Variants in ANO1 observed in about 807,000 individuals in gnomAD.
ANO1 encodes the protein anoctamin-1.
In ANO1, 59 loss-of-function variants were observed where a neutral mutation model predicts 124.0. The observed-to-expected ratio is 0.48, with a 90% CI of 0.39 to 0.59. ANO1 has a LOEUF of 0.59. ANO1 is among the 20% of genes least tolerant of loss of function. The pLI is 0.00. For missense variants in ANO1, 1,059 were observed against 1,328.0 expected, an observed-to-expected ratio of 0.80 and a Z score of 3.15; for synonymous variants, 529 against 532.0, an observed-to-expected ratio of 0.99 and a Z score of 0.08.
intron 1 of ANO1, among the ~76,000 whole-genome samples, chr11:70,039,739 G>C (rs183985533): frequency 7.9e-5 from 12 of 152,250 alleles, no homozygotes; most frequent in South Asian, 6.2e-4. Context: ...GAGCATGATC[G>C]CTGTCATTTC....
Position 70,041,589 on chromosome 11 carries a change from A to T in ANO1, c.59-36953A>T, listed in dbSNP as rs12271659. Among the ~76,000 whole-genome samples, 998 of 152,338 alleles carry T rather than the reference A, an allele frequency of 6.6e-3. 14 individuals are homozygous for T. The highest frequency in any genetic ancestry group is 0.022 in the African/African-American group (913 of 41,580). On this transcript the variant is annotated intron_variant, in intron 1 of 27. Coordinates refer to the ANO1 transcript ENST00000531349. ...AAAAGATGTGAGCTCAAATAACAAC[A>T]ACAGCAGCAACATAATAGCAGTAGG...
intron 2 of ANO1, among the ~76,000 whole-genome samples, chr11:70,100,806 G>A (rs2045237232): frequency 6.6e-6 from 1 of 152,244 alleles, no homozygotes; most frequent in South Asian, 2.1e-4. Flanking sequence ...CTGACATTGA[G>A]TGGATGTCAG....
At chr11:70,006,868 C>T (rs2120353729) in intron 1 of ANO1, among the ~76,000 whole-genome samples, 1 of 151,980 alleles carries the variant, frequency 6.6e-6, no homozygotes, top group Non-Finnish European at 1.5e-5. Context: ...AGGGGTTTCG[C>T]CACGTTGGCC....
chr11:70,176,917 C>A (rs1341328572), intron 22 of ANO1, among the ~76,000 whole-genome samples: 1 of 152,174 alleles, frequency 6.6e-6, no homozygotes, highest in Non-Finnish European at 1.5e-5. Flanking sequence ...TGGGCTGGGG[C>A]TGGGGTGCCG....
At position 70,134,372 on chromosome 11, in the gene ANO1, C is replaced by G. The variant is rs79085785; in HGVS notation, c.1258+2293C>G. Among the ~76,000 whole-genome samples the G allele has an allele frequency of 8.9e-4, 136 of 152,306 alleles. 1 individual carries two copies. The highest frequency in any genetic ancestry group is 3.1e-3 in the African/African-American group (130 of 41,568). ...TTCAGTGCCGCCTGCTGTGGTCAGC[C>G]CTGCTGCCCCGTGTACATTTCTATA... is the stretch of plus-strand genomic sequence containing the variant. On this transcript the variant is annotated intron_variant, in intron 11 of 25. Coordinates refer to ENST00000355303, the MANE Select transcript of ANO1 (RefSeq NM_018043.7).
In ANO1 at chr11:70,149,706, G is replaced by A. The variant is rs150217760; in HGVS notation, c.1259-4G>A. 2.6e-3 allele frequency: 4,231 copies of A among 1,611,900 alleles called. 17 individuals carry two copies. Among genetic ancestry groups the A allele is most frequent in the East Asian group, 3.3e-3 (146 of 44,818 alleles). ...AGAGACTCTGGTTTTGCCCCTGCCCGCAGCTGCCACCTTCATGGAGCACTG... is the reference window on the plus strand; with the variant it reads ...AGAGACTCTGGTTTTGCCCCTGCCCACAGCTGCCACCTTCATGGAGCACTG... On this transcript the variant is annotated splice_region_variant and splice_polypyrimidine_tract_variant and intron_variant, in intron 11 of 25. Coordinates refer to ENST00000355303, the MANE Select transcript of ANO1 (RefSeq NM_018043.7).
intron 11 of ANO1, among the ~76,000 whole-genome samples, chr11:70,141,925 C>T (rs1420466656): frequency 6.6e-6 from 1 of 151,996 alleles, no homozygotes; most frequent in Admixed American, 6.5e-5. Flanking sequence ...ACCCGCCCGC[C>T]GGGGTGTGGG....
intron 11 of ANO1, among the ~76,000 whole-genome samples, chr11:70,147,799 C>G (rs913154932): frequency 1.3e-5 from 2 of 152,166 alleles, no homozygotes; most frequent in African/African-American, 4.8e-5. Context: ...AGCATTGGCG[C>G]TGAGCACCTC....
intron 1 of ANO1, among the ~76,000 whole-genome samples, chr11:70,024,602 C>T (rs1591041192): frequency 6.6e-6 from 1 of 152,218 alleles, no homozygotes; most frequent in Non-Finnish European, 1.5e-5. Flanking sequence ...CCCTGGGAAG[C>T]TGGAGTTTGT....
At chr11:70,048,699 C>A (rs564480306) in intron 1 of ANO1, among the ~76,000 whole-genome samples, 2 of 148,270 alleles carry the variant, frequency 1.3e-5, no homozygotes, top group African/African-American at 5.0e-5. Context: ...CTCTTCTCCA[C>A]CCCCCACCGC....
At chr11:70,097,973 C>T (rs538310784) in intron 2 of ANO1, among the ~76,000 whole-genome samples, 90 of 152,334 alleles carry the variant, frequency 5.9e-4, no homozygotes, top group African/African-American at 1.9e-3. Flanking sequence ...GCTGAAAACT[C>T]GCCTGGTCAT....
chr11:70,137,626 A>G (rs1010893150), intron 11 of ANO1, among the ~76,000 whole-genome samples: 11 of 145,746 alleles, frequency 7.5e-5, no homozygotes, highest in African/African-American at 2.7e-4. Flanking sequence ...CTTGACGGTC[A>G]CTGGATTACT....
At chr11:69,982,046 T>TA (rs1554996276), upstream of ANO1, among the ~76,000 whole-genome samples, 1 of 151,294 alleles carries the variant, frequency 6.6e-6, no homozygotes, top group Non-Finnish European at 1.5e-5. Flanking sequence ...AGATGGGGAG[T>TA]GACTGCTAGC....
At chr11:70,176,592 A>C (rs1324036030) in intron 22 of ANO1, among the ~76,000 whole-genome samples, 3 of 152,082 alleles carry the variant, frequency 2.0e-5, no homozygotes, top group African/African-American at 7.2e-5. Context: ...ATAGACTGTA[A>C]ATGTTTATCA....
chr11:70,093,372 G>A (rs1241812350), intron 2 of ANO1, among the ~76,000 whole-genome samples: 1 of 132,028 alleles, frequency 7.6e-6, no homozygotes, highest in South Asian at 2.6e-4. Context: ...CAGCTTTCAG[G>A]GTTCCCATTA....
chr11:70,104,795 C>T (rs1893082), intron 4 of ANO1, among the ~76,000 whole-genome samples: 22 of 151,932 alleles, frequency 1.4e-4, no homozygotes, highest in African/African-American at 5.3e-4. Flanking sequence ...GAAGCTCTGG[C>T]GGGCAGGAGG....
In ANO1 at chr11:70,010,179, G is replaced by GTGTGTGTATATATATATATATATATATA; in HGVS notation, c.58+24014_58+24015insGTGTGTATATATATATATATATATATAT. 1.9e-3 allele frequency among the ~76,000 whole-genome samples: 159 copies of GTGTGTGTATATATATATATATATATATA among 83,746 alleles called. 8 individuals carry two copies. The highest frequency in any genetic ancestry group is 2.9e-3 in the Non-Finnish European group (120 of 41,470). 54.9% of individuals were successfully genotyped at this position (83,746 alleles called of 152,430 possible). A position where few individuals can be genotyped will look rare whatever the true frequency, so the allele number is the denominator to read the frequency against. ...TGTGTGTGTGTGCGCGTGTGTGTGT[G>GTGTGTGTATATATATATATATATATATA]TATATATATATATATATATCACATT... On this transcript the variant is annotated intron_variant, in intron 1 of 27. Transcript: ENST00000531349.
At chr11:70,162,003 C>T (rs925222527) in intron 18 of ANO1, among the ~76,000 whole-genome samples, 2 of 148,510 alleles carry the variant, frequency 1.3e-5, no homozygotes, top group African/African-American at 5.0e-5. Flanking sequence ...GAGTGAGGGC[C>T]CTGGGCAGTG....
chr11:70,010,234 T>C (rs1298243805), intron 1 of ANO1, among the ~76,000 whole-genome samples: 2 of 147,474 alleles, frequency 1.4e-5, no homozygotes, highest in Non-Finnish European at 3.0e-5. Context: ...TTGATGGGCA[T>C]TTAGGCTGGT....
Sources: gnomAD v4.1 joint callset for allele counts (sites outside exome capture counted in the v4.1 genomes callset) on GRCh38, gnomAD v4.1.1 for gene constraint, MANE v1.5 for transcripts, NCBI Gene and HGNC (gene_info 2026-07-23, HGNC 2026-07-21) for gene names.